The following SCLT1 variants were observed in gnomAD, a reference collection of about 807,000 sequenced individuals.
SCLT1 encodes the protein sodium channel-associated protein 1.
A neutral mutation model predicts 112.8 loss-of-function variants in SCLT1; 78 were observed. The ratio of observed to expected loss-of-function variants is 0.69; its 90% CI spans 0.58 to 0.83. SCLT1 has a LOEUF of 0.83. Among genes scored for constraint, SCLT1 ranks in the 40% least tolerant of loss-of-function variants. SCLT1 has a pLI of 0.00. For missense variants in SCLT1, 747 were observed against 770.4 expected, an observed-to-expected ratio of 0.97 and a Z score of 0.36; for synonymous variants, 257 against 254.7, an observed-to-expected ratio of 1.01 and a Z score of -0.09.
chr4:128,911,992 T>C (rs1309555279), intron 18 of SCLT1, among the ~76,000 whole-genome samples: 3 of 152,224 alleles, frequency 2.0e-5, no homozygotes, highest in African/African-American at 7.2e-5. Context: ...TGATGCTTAA[T>C]ACATCACAAT....
intron 18 of SCLT1, among the ~76,000 whole-genome samples, chr4:128,899,179 C>T (rs1284737423): frequency 6.6e-6 from 1 of 152,166 alleles, no homozygotes; most frequent in East Asian, 1.9e-4. Flanking sequence ...TTTTATGAGG[C>T]CAGCATCATC....
chr4:129,070,057 C>T (rs1337208918), intron 2 of SCLT1, among the ~76,000 whole-genome samples: 4 of 152,042 alleles, frequency 2.6e-5, no homozygotes, highest in African/African-American at 9.7e-5. Context: ...GAGTATCACA[C>T]GTATTGACTT....
intron 18 of SCLT1, among the ~76,000 whole-genome samples, chr4:128,895,784 T>C (rs556856903): frequency 1.2e-4 from 18 of 152,300 alleles, no homozygotes; most frequent in African/African-American, 4.3e-4. Flanking sequence ...TTCCCTTTCC[T>C]AGTCAAAGAA....
At chr4:128,953,207 G>A (rs922712128) in intron 13 of SCLT1, among the ~76,000 whole-genome samples, 1 of 152,114 alleles carries the variant, frequency 6.6e-6, no homozygotes, top group Non-Finnish European at 1.5e-5. Flanking sequence ...ATTTCTTACC[G>A]ATTAACCTGA....
chr4:129,085,994 C>A (rs1165203023), intron 1 of SCLT1, among the ~76,000 whole-genome samples: 2 of 151,842 alleles, frequency 1.3e-5, no homozygotes, highest in Admixed American at 1.3e-4. Context: ...GCACATGTAC[C>A]CCTGAACTTA....
At chr4:128,936,906 A>C in intron 17 of SCLT1, 55 bp from the exon 18 acceptor site, 4 of 745,060 alleles carry the variant, frequency 5.4e-6, no homozygotes, top group South Asian at 5.5e-5. Context: ...GGTGCTATAC[A>C]GATCAATGAT....
intron 17 of SCLT1, among the ~76,000 whole-genome samples, 191 bp from the exon 18 acceptor site, chr4:128,937,042 G>C (rs1737249864): frequency 6.6e-6 from 1 of 152,120 alleles, no homozygotes; most frequent in Non-Finnish European, 1.5e-5. Context: ...ACTTTGGGAG[G>C]CCAAGGTGGG....
chr4:129,051,613 A>G lies in SCLT1; in HGVS notation c.103-7562T>C, dbSNP rs544503328. Among the ~76,000 whole-genome samples the G allele has an allele frequency of 8.5e-5, 13 of 152,322 alleles. 1 individual carries two copies. The South Asian group carries it at 2.7e-3, about 32-fold the overall frequency. ...TTTGCTGAAGTTGCTTATCAGCTTAAAGAGATTTTGGGCTGAGACGATGGG... is the reference window on the plus strand; with the variant it reads ...TTTGCTGAAGTTGCTTATCAGCTTAGAGAGATTTTGGGCTGAGACGATGGG... On this transcript the variant is annotated intron_variant, in intron 2 of 20. Coordinates refer to ENST00000281142, the MANE Select transcript of SCLT1 (RefSeq NM_144643.4).
intron 18 of SCLT1, among the ~76,000 whole-genome samples, chr4:128,932,371 C>A (rs1233389353): frequency 1.3e-5 from 2 of 151,644 alleles, no homozygotes; most frequent in Non-Finnish European, 2.9e-5. Flanking sequence ...ATGTATAAAA[C>A]CTAAGTTAAA....
intron 18 of SCLT1, among the ~76,000 whole-genome samples, chr4:128,928,404 T>C (rs922496942): frequency 2.6e-5 from 4 of 152,162 alleles, no homozygotes; most frequent in South Asian, 2.1e-4. Context: ...ATAAGGAGAA[T>C]GCATTACAAT....
At chr4:128,900,814 C>A (rs1466526849) in intron 18 of SCLT1, among the ~76,000 whole-genome samples, 1 of 152,118 alleles carries the variant, frequency 6.6e-6, no homozygotes, top group Non-Finnish European at 1.5e-5. Flanking sequence ...CTACAATGAA[C>A]TCAAACAAAT....
intron 5 of SCLT1, among the ~76,000 whole-genome samples, chr4:129,027,150 G>A (rs535262414): frequency 2.6e-4 from 39 of 152,248 alleles, no homozygotes; most frequent in African/African-American, 8.9e-4. Flanking sequence ...CATTCCTTCC[G>A]AAACTATTCC....
intron 4 of SCLT1, chr4:129,039,979 G>T: frequency 6.3e-6 from 3 of 475,086 alleles, no homozygotes; most frequent in South Asian, 2.7e-5. Context: ...CACTTAAAAC[G>T]GTAACTAATT....
intron 16 of SCLT1, among the ~76,000 whole-genome samples, chr4:128,943,402 T>C (rs1299026707): frequency 6.6e-6 from 1 of 152,126 alleles, no homozygotes; most frequent in Non-Finnish European, 1.5e-5. Context: ...TAAGAACAGA[T>C]GAATTGAACT....
intron 11 of SCLT1, among the ~76,000 whole-genome samples, chr4:128,962,964 C>T (rs1739869844): frequency 4.6e-5 from 7 of 151,990 alleles, no homozygotes; most frequent in Admixed American, 4.6e-4. Context: ...TGTCTTCAGT[C>T]TAGGAAGTGA....
At chr4:128,874,624 T>C (rs1403135018) in intron 4 of SCLT1, 2 of 152,630 alleles carry the variant, frequency 1.3e-5, no homozygotes, top group Non-Finnish European at 2.9e-5. Flanking sequence ...ATGATAGCTT[T>C]GTGAGTTAGT....
At chr4:128,949,643 C>A (rs13132428) in intron 14 of SCLT1, among the ~76,000 whole-genome samples, 110,680 of 151,588 alleles carry the variant, frequency 0.73, 41,304 homozygotes, top group African/African-American at 0.9. Context: ...GGTTTTTTGT[C>A]CTTGTGATAG....
In SCLT1 at chr4:128,966,361, T is replaced by C. The variant is rs148769321; in HGVS notation, c.778-1043A>G. On this transcript the variant is annotated intron_variant, in intron 10 of 20. Coordinates refer to ENST00000281142, the MANE Select transcript of SCLT1 (RefSeq NM_144643.4). The stretch of plus-strand genomic sequence containing the variant: ...AGAGATTACAATATGCATCTTGAAC[T>C]TACCCAATTTATTCAGAGTTAATAT... Among the ~76,000 whole-genome samples, 249 of 152,224 alleles carry C rather than the reference T, an allele frequency of 1.6e-3. 2 individuals carry two copies. The highest frequency in any genetic ancestry group is 0.014 in the East Asian group (71 of 5,182).
chr4:129,048,870 C>T (rs543712874), intron 2 of SCLT1, among the ~76,000 whole-genome samples: 287 of 152,116 alleles, frequency 1.9e-3, no homozygotes, highest in African/African-American at 6.6e-3. Flanking sequence ...CCAAAAGACA[C>T]ATGAAAAAAT....
Sources: gnomAD v4.1 joint callset for allele counts (sites outside exome capture counted in the v4.1 genomes callset) on GRCh38, gnomAD v4.1.1 for gene constraint, MANE v1.5 for transcripts, NCBI Gene and HGNC (gene_info 2026-07-23, HGNC 2026-07-21) for gene names.